Variants in PPP1CC observed in about 807,000 individuals in gnomAD.
The protein encoded by PPP1CC is serine/threonine-protein phosphatase PP1-gamma catalytic subunit.
A neutral mutation model predicts 38.4 loss-of-function variants in PPP1CC; 16 were observed. The ratio of observed to expected loss-of-function variants is 0.42; its 90% CI spans 0.28 to 0.63. The LOEUF (loss-of-function observed/expected upper bound fraction) is 0.63. Ranked by LOEUF, PPP1CC falls within the 30% of genes least tolerant of loss-of-function variation. The pLI is 0.25. For missense variants in PPP1CC, 170 were observed against 391.3 expected (o/e 0.43, Z 4.77); for synonymous variants, 158 against 136.0 (o/e 1.16, Z -1.13).
downstream of PPP1CC, among the ~76,000 whole-genome samples, chr12:110,717,538 C>T (rs10083038): frequency 0.016 from 2,462 of 152,178 alleles, 58 homozygotes; most frequent in African/African-American, 0.056. Flanking sequence ...GGACTACATG[C>T]GCCCATCACC....
chr12:110,727,097 C>A, intron 3 of PPP1CC, among the ~76,000 whole-genome samples: 1 of 152,164 alleles, frequency 6.6e-6, no homozygotes, highest in Non-Finnish European at 1.5e-5. Flanking sequence ...ACCACCACAG[C>A]TAATTTTTGT....
At chr12:110,730,068 G>GA (rs1195440941) in intron 3 of PPP1CC, among the ~76,000 whole-genome samples, 2 of 152,188 alleles carry the variant, frequency 1.3e-5, no homozygotes, top group Admixed American at 6.5e-5. Context: ...ACCCAAGAGA[G>GA]AAAAAACTGG....
At chr12:110,737,509 A>G (rs988922087) in intron 1 of PPP1CC, among the ~76,000 whole-genome samples, 2 of 150,324 alleles carry the variant, frequency 1.3e-5, no homozygotes, top group African/African-American at 4.9e-5. Flanking sequence ...AAAGAAAAGA[A>G]AAGAAAAAAG....
At chr12:110,716,356 C>CT (rs11065705), downstream of PPP1CC, among the ~76,000 whole-genome samples, 7,111 of 145,242 alleles carry the variant, frequency 0.049, 471 homozygotes, top group African/African-American at 0.15. Flanking sequence ...TTAGTTTTAA[C>CT]TTTTTTTTTT....
chr12:110,736,389 A>G (rs1393892503), intron 1 of PPP1CC, among the ~76,000 whole-genome samples: 1 of 152,186 alleles, frequency 6.6e-6, no homozygotes, highest in Non-Finnish European at 1.5e-5. Context: ...TGGGCCTATA[A>G]TCCCAGCACT....
At chr12:110,725,544 G>C (rs2069788609) in intron 3 of PPP1CC, 1 of 152,252 alleles carries the variant, frequency 6.6e-6, no homozygotes, top group Non-Finnish European at 1.5e-5. Context: ...TCACAGGATG[G>C]TCATGTTCCC....
Position 110,742,724 on chromosome 12 carries a change from A to C in PPP1CC, c.-17T>G, listed in dbSNP as rs2136575048. On this transcript the variant is annotated 5_prime_UTR_variant, in exon 1 of 7. Transcript: ENST00000335007. ...ATCCGCCATCGCCTTCCCACCGCCG[A>C]CCCTCCCGCAGCGGCGCCGCCGCCG... 1 of 1,407,690 alleles carries C rather than the reference A, an allele frequency of 7.1e-7. No individual in the cohort carries two copies. Among genetic ancestry groups the C allele is most frequent in the South Asian group, 1.7e-5 (1 of 59,312 alleles). 87.2% of individuals were successfully genotyped at this position (1,407,690 alleles called of 1,614,324 possible). A position where few individuals can be genotyped will look rare whatever the true frequency, so the allele number is the denominator to read the frequency against.
At chr12:110,729,844 A>C (rs936282488) in intron 3 of PPP1CC, among the ~76,000 whole-genome samples, 2 of 152,258 alleles carry the variant, frequency 1.3e-5, no homozygotes, top group Non-Finnish European at 2.9e-5. Context: ...CACTTTTAAC[A>C]GAATAATTTT....
At chr12:110,742,576 C>A (rs2070030468) in intron 1 of PPP1CC, 77 bp downstream of exon 1, 2 of 1,261,818 alleles carry the variant, frequency 1.6e-6, no homozygotes, top group Admixed American at 3.7e-5. Flanking sequence ...CCTCCCAACT[C>A]CCCTCCCTCG....
At chr12:110,718,586 CAA>C (rs934384717), downstream of PPP1CC, among the ~76,000 whole-genome samples, 3 of 152,106 alleles carry the variant, frequency 2.0e-5, no homozygotes, top group African/African-American at 7.2e-5. Flanking sequence ...CCGAGATGTG[CAA>C]AGACACGAAA....
intron 1 of PPP1CC, among the ~76,000 whole-genome samples, chr12:110,734,240 C>T (rs1236259054): frequency 2.6e-5 from 4 of 152,196 alleles, no homozygotes; most frequent in Non-Finnish European, 4.4e-5. Context: ...CCAGCCATAG[C>T]CAGCACACAG....
At chr12:110,730,361 C>G (rs1027419001) in intron 3 of PPP1CC, among the ~76,000 whole-genome samples, 168 bp downstream of exon 3, 10 of 152,082 alleles carry the variant, frequency 6.6e-5, no homozygotes, top group Non-Finnish European at 1.5e-4. Context: ...TCCGTTCCCC[C>G]ACCCCCCTAA....
the PPP1CC span, among the ~76,000 whole-genome samples, chr12:110,709,968 TAA>T: frequency 7.2e-6 from 1 of 139,676 alleles, no homozygotes; most frequent in African/African-American, 2.7e-5. Flanking sequence ...ATAATAATAA[TAA>T]TAATAAAGGA....
In PPP1CC at chr12:110,742,639, G is replaced by A. The variant is rs780604167; in HGVS notation, c.55+14C>T. 4.7e-5 allele frequency: 40 copies of A among 849,206 alleles called. No homozygotes were observed. Among genetic ancestry groups the A allele is most frequent in the African/African-American group, 6.1e-5 (3 of 49,206 alleles). 52.6% of individuals were successfully genotyped at this position (849,206 alleles called of 1,614,324 possible). A position where few individuals can be genotyped will look rare whatever the true frequency, so the allele number is the denominator to read the frequency against. On this transcript the variant is annotated intron_variant, in intron 1 of 6. Transcript: ENST00000335007. ...GGCCCGCCTCCCCCTTCAGCCGCCCGCCGCCCCCCTTACCTTCCAGCAGCC... is the reference window on the plus strand; with the variant it reads ...GGCCCGCCTCCCCCTTCAGCCGCCCACCGCCCCCCTTACCTTCCAGCAGCC...
rs1566081468 is a variant in PPP1CC, at chr12:110,722,234, C to T, written c.783G>A (p.Arg261=). The T allele has an allele frequency of 1.2e-6, 2 of 1,613,944 alleles. No individual in the cohort carries two copies. The highest frequency in any genetic ancestry group is 1.7e-6 in the Non-Finnish European group (2 of 1,179,966). The change falls in exon 6 of 7, where the codon AGG becomes AGA. Residue 261 remains arginine, a synonymous_variant. Coordinates refer to ENST00000335007, the MANE Select transcript of PPP1CC (RefSeq NM_002710.4). This position sits in a 1 kb window ranked among gnomAD's most constrained non-coding sequence, Gnocchi z 5.4. The stretch of plus-strand genomic sequence containing the variant: ...GCGCAGAAAACAGAGTGACCAACTG[C>T]CTCTTTGCAAAAAATTCATATCCAT... The part of the protein sequence containing the change: ...VEDGYEFFAK[R]QLVTLFSAPN...
chr12:110,710,665 C>T, the PPP1CC span, among the ~76,000 whole-genome samples: 6 of 124,356 alleles, frequency 4.8e-5, no homozygotes, highest in African/African-American at 6.3e-5. Flanking sequence ...TTGCAGTGAG[C>T]GGAGATTGCA....
At position 110,720,952 on chromosome 12, in the gene PPP1CC, G is replaced by T; in HGVS notation, c.*124C>A. The T allele has an allele frequency of 1.4e-6, 1 of 710,480 alleles. No homozygotes were observed. Among genetic ancestry groups the T allele is most frequent in the Non-Finnish European group, 2.3e-6 (1 of 440,662 alleles). The allele number at this position is 710,480 out of a possible 1,614,324, so 44.0% of individuals were successfully genotyped here. A position where few individuals can be genotyped will look rare whatever the true frequency, so the allele number is the denominator to read the frequency against. On this transcript the variant is annotated 3_prime_UTR_variant, in exon 7 of 7. Coordinates refer to ENST00000335007, the MANE Select transcript of PPP1CC (RefSeq NM_002710.4). Reference sequence around the variant, plus strand: ...AATGCCATTCACTAAATCAAAAATGGAAGGAAGGGCCCCCACAAACACAGA... The same window carrying T: ...AATGCCATTCACTAAATCAAAAATGTAAGGAAGGGCCCCCACAAACACAGA...
intron 1 of PPP1CC, among the ~76,000 whole-genome samples, chr12:110,737,794 A>G (rs984075155): frequency 6.6e-6 from 1 of 152,036 alleles, no homozygotes; most frequent in African/African-American, 2.4e-5. Flanking sequence ...AAAAAGAAAA[A>G]AAAATTAGCC....
chr12:110,715,352 A>C (rs889119538), downstream of PPP1CC, among the ~76,000 whole-genome samples: 2 of 151,882 alleles, frequency 1.3e-5, no homozygotes, highest in African/African-American at 4.8e-5. Context: ...ACAGGGTCTC[A>C]CTCTGTCGCC....
Sources: gnomAD v4.1 joint callset for allele counts (sites outside exome capture counted in the v4.1 genomes callset) on GRCh38, gnomAD v4.1.1 for gene constraint, Gnocchi (gnomAD v3.1) non-coding constraint, MANE v1.5 for transcripts, NCBI Gene and HGNC (gene_info 2026-07-23, HGNC 2026-07-21) for gene names.